The following CDH4 variants were observed in gnomAD, a reference collection of about 807,000 sequenced individuals.
CDH4 encodes cadherin 4, also known as cadherin-4.
CDH4 carries 33 observed loss-of-function variants against 86.0 expected under a neutral mutation model. That is an observed-to-expected ratio of 0.38 (90% CI 0.29 to 0.51). The LOEUF is 0.51. CDH4 is among the 20% of genes least tolerant of loss of function. CDH4 has a pLI of 0.86. For synonymous variants in CDH4, 555 were observed against 549.4 expected (o/e 1.01, Z -0.14); for missense variants, 1,114 against 1,307.4 (o/e 0.85, Z 2.28).
chr20:61,924,567 C>A, intron 11 of CDH4, 91 bp downstream of exon 11: 2 of 1,425,070 alleles, frequency 1.4e-6, no homozygotes, highest in Middle Eastern at 2.2e-4. Context: ...AGGGAGACCC[C>A]GAGAGGCCAG....
At chr20:61,843,203 C>A (rs1444930822) in intron 4 of CDH4, among the ~76,000 whole-genome samples, 1 of 152,064 alleles carries the variant, frequency 6.6e-6, no homozygotes, top group African/African-American at 2.4e-5. Context: ...GTAATCCCAG[C>A]ACTTTGGGAG....
chr20:61,677,706 T>C (rs972891830), intron 2 of CDH4, among the ~76,000 whole-genome samples: 100 of 151,126 alleles, frequency 6.6e-4, no homozygotes, highest in African/African-American at 1.1e-3. Context: ...GACGGACGGA[T>C]GGATGGATGA....
At chr20:61,326,835 G>A (rs6124083) in intron 2 of CDH4, among the ~76,000 whole-genome samples, 24,927 of 152,166 alleles carry the variant, frequency 0.16, 2,423 homozygotes, top group Middle Eastern at 0.34. Flanking sequence ...AATGCAAGAT[G>A]TGTTACTTCT....
At chr20:61,644,787 G>A (rs1023918256) in intron 2 of CDH4, among the ~76,000 whole-genome samples, 20 of 100,212 alleles carry the variant, frequency 2.0e-4, no homozygotes, top group African/African-American at 5.7e-4. Context: ...GCAGCCCACC[G>A]TCAGCCAGGA....
intron 2 of CDH4, among the ~76,000 whole-genome samples, chr20:61,347,015 T>C (rs2084683012): frequency 6.6e-6 from 1 of 152,214 alleles, no homozygotes. Flanking sequence ...CATGGTTTCA[T>C]GGCTGTCTCC....
At chr20:61,581,844 G>T (rs2249675) in intron 2 of CDH4, among the ~76,000 whole-genome samples, 102,542 of 152,038 alleles carry the variant, frequency 0.67, 35,622 homozygotes, top group East Asian at 0.79. Context: ...AGCCGCTACC[G>T]TGAGGTGGAA....
chr20:61,349,844 G>T (rs933777237), intron 2 of CDH4, among the ~76,000 whole-genome samples: 4 of 152,162 alleles, frequency 2.6e-5, no homozygotes, highest in African/African-American at 9.7e-5. Context: ...AAAGGACCAA[G>T]TTCATGTGGG....
intron 2 of CDH4, among the ~76,000 whole-genome samples, chr20:61,493,981 C>T (rs569559449): frequency 2.0e-5 from 3 of 152,292 alleles, no homozygotes; most frequent in East Asian, 3.9e-4. Flanking sequence ...CACTCTGGAG[C>T]GGACTCTCCA....
chr20:61,419,504 C>G (rs555824074), intron 2 of CDH4, among the ~76,000 whole-genome samples: 2 of 152,274 alleles, frequency 1.3e-5, no homozygotes, highest in South Asian at 4.1e-4. Context: ...CCTGGGGTAG[C>G]TTTCCAGTCG....
chr20:61,514,306 G>GCCCCCCCCCCCCCCCCCCCCCCC (rs1215793319), intron 2 of CDH4, among the ~76,000 whole-genome samples: 1 of 125,816 alleles, frequency 7.9e-6, no homozygotes, highest in African/African-American at 3.2e-5. Flanking sequence ...GCCTCAGTCC[G>GCCCCCCCCCCCCCCCCCCCCCCC]CCCCCCCCGC....
At chr20:61,414,681 T>C (rs1568835730) in intron 2 of CDH4, among the ~76,000 whole-genome samples, 1 of 152,196 alleles carries the variant, frequency 6.6e-6, no homozygotes, top group Non-Finnish European at 1.5e-5. Context: ...GGCAGAGAGC[T>C]CATCCTGTCC....
chr20:61,383,680 G>GTATATGA (rs367632545), intron 2 of CDH4, among the ~76,000 whole-genome samples: 2,410 of 19,838 alleles, frequency 0.12, 195 homozygotes, highest in African/African-American at 0.14. Flanking sequence ...ATATATGAAT[G>GTATATGA]TATATGATAT....
chr20:61,375,047 C>G (rs1361100146), intron 2 of CDH4, among the ~76,000 whole-genome samples: 2 of 152,182 alleles, frequency 1.3e-5, no homozygotes, highest in African/African-American at 2.4e-5. Context: ...AAACTAATGT[C>G]TTTCTTCAAG....
At chr20:61,618,583 C>T (rs1568715855) in intron 2 of CDH4, among the ~76,000 whole-genome samples, 2 of 152,246 alleles carry the variant, frequency 1.3e-5, no homozygotes, top group South Asian at 2.1e-4. Flanking sequence ...ATCCAGTCCC[C>T]CAAATCAATG....
chr20:61,530,633 G>A (rs1430520509), intron 2 of CDH4, among the ~76,000 whole-genome samples: 2 of 152,156 alleles, frequency 1.3e-5, no homozygotes, highest in Admixed American at 6.5e-5. Flanking sequence ...TCGGAAAATA[G>A]AGAGGCAATC....
chr20:61,673,277 G>A (rs956832917), intron 2 of CDH4, among the ~76,000 whole-genome samples: 14 of 152,138 alleles, frequency 9.2e-5, no homozygotes, highest in Non-Finnish European at 1.3e-4. Context: ...TCAGGACTTC[G>A]GAGCCCCTGA....
chr20:61,640,861 G>C (rs984780081), intron 2 of CDH4, among the ~76,000 whole-genome samples: 1 of 152,208 alleles, frequency 6.6e-6, no homozygotes, highest in African/African-American at 2.4e-5. Flanking sequence ...GTGATTCTTG[G>C]TTCCGTTTCT....
chr20:61,253,522 C>T (rs1324345610), intron 1 of CDH4, among the ~76,000 whole-genome samples: 1 of 152,048 alleles, frequency 6.6e-6, no homozygotes, highest in Non-Finnish European at 1.5e-5. Context: ...TAAACAAGTG[C>T]CAGCGGCGGG....
intron 2 of CDH4, among the ~76,000 whole-genome samples, chr20:61,529,113 T>A (rs1013692921): frequency 2.0e-5 from 3 of 152,222 alleles, no homozygotes; most frequent in African/African-American, 7.2e-5. Flanking sequence ...GGTGAGACAT[T>A]GATATTTCAT....
Sources: gnomAD v4.1 joint callset for allele counts (sites outside exome capture counted in the v4.1 genomes callset) on GRCh38, gnomAD v4.1.1 for gene constraint, MANE v1.5 for transcripts, NCBI Gene and HGNC (gene_info 2026-07-23, HGNC 2026-07-21) for gene names.